AGBL4: variants seen among roughly 807,000 people sequenced by gnomAD.
AGBL4 encodes the protein AGBL carboxypeptidase 4.
Under a neutral mutation model 66.4 loss-of-function variants are expected in AGBL4, and 58 were observed. The ratio of observed to expected loss-of-function variants is 0.87; its 90% CI spans 0.71 to 1.09. The LOEUF (loss-of-function observed/expected upper bound fraction) is 1.09, where lower values mean the gene tolerates loss of function less well. AGBL4 is among the 50% of genes least tolerant of loss of function. The pLI is 0.00. For missense variants in AGBL4, 579 were observed against 631.0 expected (o/e 0.92, Z 0.88); for synonymous variants, 234 against 222.9 (o/e 1.05, Z -0.44).
At chr1:49,998,530 C>G (rs1660521703) in intron 1 of AGBL4, among the ~76,000 whole-genome samples, 1 of 152,076 alleles carries the variant, frequency 6.6e-6, no homozygotes, top group South Asian at 2.1e-4. Flanking sequence ...TGGTACCAAT[C>G]CTATTAACAC....
chr1:48,703,469 G>C (rs1646833783), intron 6 of AGBL4, among the ~76,000 whole-genome samples: 1 of 152,072 alleles, frequency 6.6e-6, no homozygotes, highest in Non-Finnish European at 1.5e-5. Flanking sequence ...AATAAGTCTA[G>C]ATTCGAATTA....
In AGBL4 at chr1:49,404,840, A is replaced by G. The variant is rs1645162555; in HGVS notation, c.283-158976T>C. 2.0e-5 allele frequency among the ~76,000 whole-genome samples: 3 copies of G among 152,250 alleles called. No homozygotes were observed. The South Asian group carries it at 6.2e-4, about 31-fold the overall frequency. On this transcript the variant is annotated intron_variant, in intron 3 of 13. Coordinates refer to ENST00000371839, the MANE Select transcript of AGBL4 (RefSeq NM_032785.4). Reference sequence around the variant, plus strand: ...GCTGAATTAAAATTTGGAAAAAATTATATATTCAACTGCTTATTTTTTTGA... The same window carrying G: ...GCTGAATTAAAATTTGGAAAAAATTGTATATTCAACTGCTTATTTTTTTGA...
chr1:49,753,677 C>T (rs954349249), intron 2 of AGBL4, among the ~76,000 whole-genome samples: 2 of 152,174 alleles, frequency 1.3e-5, no homozygotes, highest in African/African-American at 4.8e-5. Context: ...CAACTTGGTT[C>T]CATTCTGCCC....
At chr1:49,101,533 A>C (rs1645202123) in intron 4 of AGBL4, among the ~76,000 whole-genome samples, 1 of 152,176 alleles carries the variant, frequency 6.6e-6, no homozygotes, top group African/African-American at 2.4e-5. Flanking sequence ...AACCTAATAC[A>C]TGGTTCTAAA....
At chr1:48,932,591 T>A (rs1323740229) in intron 5 of AGBL4, among the ~76,000 whole-genome samples, 16 of 152,134 alleles carry the variant, frequency 1.1e-4, no homozygotes, top group Admixed American at 1.0e-3. Context: ...GGAAACTGTG[T>A]ATGGAAGTTA....
At position 48,534,310 on chromosome 1, in the gene AGBL4, A is replaced by G; in HGVS notation, c.1392-17T>C. 6.5e-7 allele frequency: 1 copy of G among 1,546,582 alleles called. No homozygotes were observed. ...TTTTCTTTCCTGCAAAGGGGGAGAT[A>G]ACAGAAAGAGAGAAGACAGCCCATA... On this transcript the variant is annotated splice_polypyrimidine_tract_variant and intron_variant, in intron 13 of 13. Transcript: ENST00000371839.
intron 3 of AGBL4, among the ~76,000 whole-genome samples, chr1:49,405,468 T>C (rs572256076): frequency 1.2e-4 from 19 of 152,308 alleles, no homozygotes; most frequent in African/African-American, 4.3e-4. Context: ...CATGGGCTCA[T>C]GATAAGTATT....
intron 6 of AGBL4, among the ~76,000 whole-genome samples, chr1:48,729,719 T>G (rs1464847784): frequency 6.6e-6 from 1 of 152,174 alleles, no homozygotes; most frequent in East Asian, 1.9e-4. Context: ...CCATCCATGC[T>G]GCAGGTGCAC....
chr1:49,417,888 T>C (rs2148637393), intron 3 of AGBL4, among the ~76,000 whole-genome samples: 1 of 152,306 alleles, frequency 6.6e-6, no homozygotes, highest in East Asian at 1.9e-4. Flanking sequence ...GAATTATGCA[T>C]TTCATTTTAA....
intron 3 of AGBL4, among the ~76,000 whole-genome samples, chr1:49,260,206 G>C (rs976153215): frequency 1.3e-5 from 2 of 151,788 alleles, no homozygotes; most frequent in African/African-American, 4.8e-5. Flanking sequence ...GAGAAAGCAG[G>C]AAAGATCCAA....
chr1:49,658,334 T>C (rs1214365917), intron 3 of AGBL4, among the ~76,000 whole-genome samples: 1 of 151,900 alleles, frequency 6.6e-6, no homozygotes. Context: ...GTTAGAAGGG[T>C]GATCATTAAA....
At chr1:48,934,381 C>A (rs1052315227) in intron 5 of AGBL4, among the ~76,000 whole-genome samples, 1 of 152,048 alleles carries the variant, frequency 6.6e-6, no homozygotes, top group Non-Finnish European at 1.5e-5. Flanking sequence ...TATCTGTTGT[C>A]CCACTGTGAT....
intron 1 of AGBL4, among the ~76,000 whole-genome samples, chr1:49,916,962 G>T (rs1422425529): frequency 6.6e-6 from 1 of 152,124 alleles, no homozygotes; most frequent in Non-Finnish European, 1.5e-5. Flanking sequence ...TTTCAACCTA[G>T]AATTTTTATC....
chr1:49,831,217 A>G (rs1297226982), intron 2 of AGBL4, among the ~76,000 whole-genome samples: 1 of 152,158 alleles, frequency 6.6e-6, no homozygotes, highest in Non-Finnish European at 1.5e-5. Context: ...CATTTTCACA[A>G]TACTGATTCT....
chr1:48,946,077 T>C (rs1347142616), intron 5 of AGBL4, among the ~76,000 whole-genome samples: 3 of 152,208 alleles, frequency 2.0e-5, no homozygotes, highest in Non-Finnish European at 2.9e-5. Context: ...CTCTTCCCTA[T>C]TGAAATTGAG....
intron 3 of AGBL4, among the ~76,000 whole-genome samples, chr1:49,391,549 A>AG (rs1457885799): frequency 1.5e-5 from 2 of 129,710 alleles, no homozygotes; most frequent in African/African-American, 6.0e-5. Flanking sequence ...GATAACCATG[A>AG]GTTTTTTTTT....
chr1:49,722,800 C>T (rs1296944344), intron 2 of AGBL4, among the ~76,000 whole-genome samples: 1 of 152,074 alleles, frequency 6.6e-6, no homozygotes, highest in African/African-American at 2.4e-5. Flanking sequence ...TAACTTCTCT[C>T]CGTTTCCAAT....
At chr1:49,855,772 C>T (rs1334164062) in intron 1 of AGBL4, among the ~76,000 whole-genome samples, 2 of 152,114 alleles carry the variant, frequency 1.3e-5, no homozygotes. Flanking sequence ...AAGGATATTT[C>T]ACAACAATAA....
chr1:49,802,031 T>A (rs1644872579), intron 2 of AGBL4, among the ~76,000 whole-genome samples: 1 of 152,210 alleles, frequency 6.6e-6, no homozygotes, highest in Non-Finnish European at 1.5e-5. Flanking sequence ...AAAATGCTCC[T>A]GATTATTGTA....
Sources: gnomAD v4.1 joint callset for allele counts (sites outside exome capture counted in the v4.1 genomes callset) on GRCh38, gnomAD v4.1.1 for gene constraint, MANE v1.5 for transcripts, NCBI Gene and HGNC (gene_info 2026-07-23, HGNC 2026-07-21) for gene names.